The following TMEM272 variants were observed in gnomAD, a reference collection of about 807,000 sequenced individuals.
TMEM272 encodes transmembrane protein 272.
In TMEM272, 8 loss-of-function variants were observed where a neutral mutation model predicts 3.7. The observed-to-expected ratio is 2.17, with a 90% CI of 1.27 to 3.91. TMEM272 has a LOEUF of 3.91. Ranked by LOEUF, TMEM272 falls within the 30% of genes most tolerant of loss-of-function variation. The probability of loss-of-function intolerance (pLI) is 0.00; values close to 1 mark genes in which losing one functional copy is unlikely to be tolerated. For synonymous variants in TMEM272, 63 were observed against 39.8 expected (o/e 1.58, Z -2.20); for missense variants, 166 against 91.5 (o/e 1.81, Z -3.32).
the TMEM272 span, among the ~76,000 whole-genome samples, chr13:51,852,681 C>A: frequency 6.6e-6 from 1 of 151,938 alleles, no homozygotes; most frequent in African/African-American, 2.4e-5. Context: ...AGATCGAGAC[C>A]ATCCTGGCCA....
chr13:51,879,822 G>C, the TMEM272 span, among the ~76,000 whole-genome samples: 4 of 152,186 alleles, frequency 2.6e-5, no homozygotes, highest in Non-Finnish European at 5.9e-5. Context: ...GGTGTTCAAA[G>C]AGAGGTTTGC....
At chr13:51,840,368 T>C (rs766074334) in intron 1 of TMEM272, among the ~76,000 whole-genome samples, 5 of 152,140 alleles carry the variant, frequency 3.3e-5, no homozygotes, top group Non-Finnish European at 7.4e-5. Flanking sequence ...ATTTTACAGA[T>C]GAAGAAACTG....
the TMEM272 span, among the ~76,000 whole-genome samples, chr13:51,885,453 G>C: frequency 1.3e-5 from 2 of 152,138 alleles, no homozygotes; most frequent in Non-Finnish European, 2.9e-5. Context: ...AAAGCCACCA[G>C]ATCTTGTGAG....
chr13:51,841,485 A>G (rs1195018216), intron 1 of TMEM272, among the ~76,000 whole-genome samples: 1 of 152,224 alleles, frequency 6.6e-6, no homozygotes, highest in African/African-American at 2.4e-5. Context: ...GGTCTGTGTC[A>G]CATTATAACA....
the TMEM272 span, among the ~76,000 whole-genome samples, chr13:51,874,269 G>A: frequency 6.6e-6 from 1 of 152,168 alleles, no homozygotes; most frequent in Non-Finnish European, 1.5e-5. Flanking sequence ...TCTGGCTGTG[G>A]GGGAAATTTC....
the TMEM272 span, among the ~76,000 whole-genome samples, chr13:51,926,693 T>C: frequency 7.5e-6 from 1 of 133,502 alleles, no homozygotes; most frequent in East Asian, 2.1e-4. Context: ...GCACAGTGGG[T>C]GGGGACAGGG....
chr13:51,931,403 A>G, the TMEM272 span, among the ~76,000 whole-genome samples: 1 of 151,734 alleles, frequency 6.6e-6, no homozygotes, highest in Admixed American at 6.6e-5. Context: ...AAAACCAAAC[A>G]CCACATATTC....
chr13:51,868,887 C>T, the TMEM272 span, among the ~76,000 whole-genome samples: 937 of 152,342 alleles, frequency 6.2e-3, 14 homozygotes, highest in African/African-American at 0.021. Context: ...ACTGTTGTTT[C>T]ACCACTAAAT....
At chr13:51,836,092 T>G (rs1319465626) in intron 2 of TMEM272, among the ~76,000 whole-genome samples, 2 of 152,198 alleles carry the variant, frequency 1.3e-5, no homozygotes, top group Non-Finnish European at 2.9e-5. Flanking sequence ...CAATCCCCAA[T>G]GCAAACGTGT....
At chr13:51,885,175 A>AC in the TMEM272 span, among the ~76,000 whole-genome samples, 2 of 152,298 alleles carry the variant, frequency 1.3e-5, no homozygotes, top group South Asian at 4.1e-4. Flanking sequence ...CTTGAAAGAG[A>AC]CCAACAGGAA....
At chr13:51,859,324 G>T in the TMEM272 span, among the ~76,000 whole-genome samples, 1 of 152,058 alleles carries the variant, frequency 6.6e-6, no homozygotes, top group East Asian at 1.9e-4. Flanking sequence ...ATAGTCCTGA[G>T]AATTTGGGTC....
the TMEM272 span, chr13:51,909,800 G>C: frequency 6.3e-7 from 1 of 1,586,478 alleles, no homozygotes; most frequent in Middle Eastern, 1.7e-4. Context: ...CCTGATCTTT[G>C]ATCTTTAGCA....
the TMEM272 span, among the ~76,000 whole-genome samples, chr13:51,869,336 T>C: frequency 6.6e-6 from 1 of 152,160 alleles, no homozygotes; most frequent in Non-Finnish European, 1.5e-5. Context: ...AGTTCTTATG[T>C]GCCAGCATTA....
At chr13:51,825,116 A>G (rs1259852820) in intron 3 of TMEM272, among the ~76,000 whole-genome samples, 2 of 152,212 alleles carry the variant, frequency 1.3e-5, no homozygotes, top group African/African-American at 4.8e-5. Context: ...GAGCCATATA[A>G]TAAGTGTTAA....
the TMEM272 span, among the ~76,000 whole-genome samples, chr13:51,880,945 A>G: frequency 6.6e-6 from 1 of 152,264 alleles, no homozygotes; most frequent in African/African-American, 2.4e-5. Flanking sequence ...ACCTATGGAA[A>G]TAAAAAGTGT....
chr13:51,818,468 T>C (rs1282888976), intron 4 of TMEM272, among the ~76,000 whole-genome samples: 1 of 152,192 alleles, frequency 6.6e-6, no homozygotes, highest in African/African-American at 2.4e-5. Flanking sequence ...TGAGGACTCC[T>C]GGCAGAGATC....
the TMEM272 span, among the ~76,000 whole-genome samples, chr13:51,880,155 T>C: frequency 0.52 from 78,422 of 151,914 alleles, 20,607 homozygotes; most frequent in Non-Finnish European, 0.57. Context: ...TAATAGAACA[T>C]GCATGGGTAA....
At chr13:51,820,042 C>CG (rs1284842973) in intron 4 of TMEM272, among the ~76,000 whole-genome samples, 1 of 152,182 alleles carries the variant, frequency 6.6e-6, no homozygotes. Flanking sequence ...ATAAATTACA[C>CG]GGTCAACTCA....
the TMEM272 span, among the ~76,000 whole-genome samples, chr13:51,930,848 T>C: frequency 6.6e-6 from 1 of 152,082 alleles, no homozygotes; most frequent in Non-Finnish European, 1.5e-5. Context: ...AAAATAAGTT[T>C]TTATTTTTAA....
Sources: allele counts gnomAD v4.1 joint callset (sites outside exome capture counted in the v4.1 genomes callset), GRCh38; gene constraint gnomAD v4.1.1; transcripts MANE v1.5; gene names NCBI Gene and HGNC (gene_info 2026-07-23, HGNC 2026-07-21).